Variants in PDE6A observed in about 807,000 individuals in gnomAD.
The protein encoded by PDE6A is rod cGMP-specific 3',5'-cyclic phosphodiesterase subunit alpha.
Under a neutral mutation model 106.3 loss-of-function variants are expected in PDE6A, and 84 were observed. The ratio of observed to expected loss-of-function variants is 0.79; its 90% CI spans 0.66 to 0.95. The LOEUF (loss-of-function observed/expected upper bound fraction) is 0.95, where lower values mean the gene tolerates loss of function less well. PDE6A is among the 40% of genes least tolerant of loss of function. The probability of loss-of-function intolerance (pLI) is 0.00; values close to 1 mark genes in which losing one functional copy is unlikely to be tolerated. For synonymous variants in PDE6A, 394 were observed against 386.6 expected, an observed-to-expected ratio of 1.02 and a Z score of -0.23; for missense variants, 1,052 against 1,084.9, an observed-to-expected ratio of 0.97 and a Z score of 0.43.
chr5:149,937,656 G>A (rs1056877842), intron 1 of PDE6A, among the ~76,000 whole-genome samples: 1 of 152,178 alleles, frequency 6.6e-6, no homozygotes, highest in Non-Finnish European at 1.5e-5. Context: ...GGGGTTACAG[G>A]TGTCAGCCTG....
At chr5:149,886,219 G>A (rs1752292268) in intron 14 of PDE6A, 46 bp downstream of exon 14, 1 of 1,370,948 alleles carries the variant, frequency 7.3e-7, no homozygotes, top group African/African-American at 1.4e-5. Flanking sequence ...CACAGAGCTG[G>A]ATAATGAATC....
intron 8 of PDE6A, among the ~76,000 whole-genome samples, chr5:149,901,266 C>T (rs889343093): frequency 6.6e-6 from 1 of 152,128 alleles, no homozygotes; most frequent in African/African-American, 2.4e-5. Context: ...CAGTGGCTCA[C>T]GCCTGTAATC....
chr5:149,932,661 C>T (rs768918921), intron 3 of PDE6A: 1 of 1,613,094 alleles, frequency 6.2e-7, no homozygotes, highest in Non-Finnish European at 8.5e-7. Context: ...CGACTAATTT[C>T]TGCCATCTCA....
intron 17 of PDE6A, among the ~76,000 whole-genome samples, chr5:149,875,767 A>C (rs927454338): frequency 6.6e-6 from 1 of 152,148 alleles, no homozygotes; most frequent in South Asian, 2.1e-4. Context: ...AGGATTACAC[A>C]TGTGGCCACT....
At position 149,860,916 on chromosome 5, in the gene PDE6A, G is replaced by A. The variant is rs2113488146; in HGVS notation, c.2562C>T (p.Ser854=). 1.2e-6 allele frequency: 2 copies of A among 1,614,144 alleles called. No individual in the cohort carries two copies. The highest frequency in any genetic ancestry group is 2.2e-5 in the South Asian group (2 of 91,074). The change falls in exon 22 of 22, where the codon TCC becomes TCT. Residue 854 remains serine, a synonymous_variant. Transcript: ENST00000255266. The part of the protein sequence containing the change: ...GNPSPGGATT[S]KSCCIQ The stretch of plus-strand genomic sequence containing the variant: ...GGTGTTACTGGATGCAGCAGGACTT[G>A]GATGTAGTTGCACCCCCTGGGCTGG...
At chr5:149,917,965 A>G (rs1413586350) in intron 5 of PDE6A, among the ~76,000 whole-genome samples, 1 of 152,136 alleles carries the variant, frequency 6.6e-6, no homozygotes, top group Admixed American at 6.6e-5. Flanking sequence ...CTTTTCTATT[A>G]ACCCCTGGTC....
chr5:149,884,758 A>G, intron 15 of PDE6A, 22 bp downstream of exon 15: 1 of 1,605,488 alleles, frequency 6.2e-7, no homozygotes, highest in South Asian at 1.1e-5. Flanking sequence ...CGCGGCCTGT[A>G]GACCCTTGGC....
intron 7 of PDE6A, among the ~76,000 whole-genome samples, chr5:149,904,007 C>T (rs1363980444): frequency 6.6e-6 from 1 of 152,152 alleles, no homozygotes; most frequent in African/African-American, 2.4e-5. Flanking sequence ...CCTTTTCTTG[C>T]TTATTTGGGT....
At chr5:149,931,650 A>T (rs1754040110) in intron 3 of PDE6A, among the ~76,000 whole-genome samples, 1 of 152,218 alleles carries the variant, frequency 6.6e-6, no homozygotes. Context: ...GTGTTGATGG[A>T]AAAATGTCTA....
intron 10 of PDE6A, among the ~76,000 whole-genome samples, chr5:149,897,668 C>G (rs537122365): frequency 6.6e-6 from 1 of 152,140 alleles, no homozygotes; most frequent in Non-Finnish European, 1.5e-5. Flanking sequence ...AGCCTTTGAC[C>G]TCCATGGGCT....
At chr5:149,909,821 C>A (rs1753317820) in intron 6 of PDE6A, among the ~76,000 whole-genome samples, 1 of 152,078 alleles carries the variant, frequency 6.6e-6, no homozygotes, top group Admixed American at 6.6e-5. Flanking sequence ...TTAATTGATT[C>A]TTTTATCCAT....
intron 16 of PDE6A, among the ~76,000 whole-genome samples, chr5:149,884,043 A>T (rs576008774): frequency 2.4e-3 from 363 of 152,008 alleles, no homozygotes; most frequent in African/African-American, 8.2e-3. Flanking sequence ...AAATTAAAAA[A>T]TTATCCAGGA....
intron 4 of PDE6A, among the ~76,000 whole-genome samples, chr5:149,927,304 G>A (rs553652608): frequency 1.3e-5 from 2 of 152,168 alleles, no homozygotes; most frequent in African/African-American, 4.8e-5. Context: ...TGAGTGGTGA[G>A]TGAATGTGAA....
At chr5:149,889,081 C>CATAAAAAAAAAAAA (rs1752440889) in intron 13 of PDE6A, among the ~76,000 whole-genome samples, 1 of 61,594 alleles carries the variant, frequency 1.6e-5, no homozygotes, top group African/African-American at 7.1e-5. Context: ...GACTCTGTCT[C>CATAAAAAAAAAAAA]AAAAAAAAAA....
At chr5:149,895,095 A>C (rs1376318544) in intron 13 of PDE6A, 88 bp downstream of exon 13, 6 of 818,550 alleles carry the variant, frequency 7.3e-6, no homozygotes, top group Non-Finnish European at 1.3e-5. Context: ...AGAAAGAAGA[A>C]CAACGCTGTT....
At chr5:149,889,940 T>A in intron 13 of PDE6A, among the ~76,000 whole-genome samples, 1 of 146,194 alleles carries the variant, frequency 6.8e-6, no homozygotes. Flanking sequence ...ATTTAGAAAC[T>A]TCCCAAAGTC....
chr5:149,879,970 A>G (rs1413416168), intron 17 of PDE6A, among the ~76,000 whole-genome samples: 1 of 152,102 alleles, frequency 6.6e-6, no homozygotes, highest in Non-Finnish European at 1.5e-5. Context: ...ACCTTTCTCC[A>G]CTAGTATAAA....
At chr5:149,892,792 T>C (rs181908592) in intron 13 of PDE6A, among the ~76,000 whole-genome samples, 1 of 150,736 alleles carries the variant, frequency 6.6e-6, no homozygotes, top group Non-Finnish European at 1.5e-5. Flanking sequence ...GTATAAAATT[T>C]ATAGATAGAG....
At chr5:149,886,466 T>TA (rs1231040845) in intron 13 of PDE6A, 92 bp from the exon 14 acceptor site, 1 of 891,616 alleles carries the variant, frequency 1.1e-6, no homozygotes, top group Non-Finnish European at 1.8e-6. Flanking sequence ...GGCCCAGAAC[T>TA]AAAAAACTCA....
Sources: allele counts gnomAD v4.1 joint callset (sites outside exome capture counted in the v4.1 genomes callset), GRCh38; gene constraint gnomAD v4.1.1; transcripts MANE v1.5; gene names NCBI Gene and HGNC (gene_info 2026-07-23, HGNC 2026-07-21).